TENM2: variants seen among roughly 807,000 people sequenced by gnomAD.
The protein encoded by TENM2 is teneurin-2.
Under a neutral mutation model 245.2 loss-of-function variants are expected in TENM2, and 52 were observed. That is an observed-to-expected ratio of 0.21 (90% CI 0.17 to 0.27). The LOEUF (loss-of-function observed/expected upper bound fraction) is 0.27. Ranked by LOEUF, TENM2 falls within the 10% of genes least tolerant of loss-of-function variation. The pLI is 1.00. For missense variants in TENM2, 3,046 were observed against 3,666.8 expected (o/e 0.83, Z 4.37); for synonymous variants, 1,363 against 1,438.9 (o/e 0.95, Z 1.19).
the TENM2 span, among the ~76,000 whole-genome samples, chr5:167,231,678 AG>A: frequency 6.6e-6 from 1 of 152,254 alleles, no homozygotes; most frequent in Non-Finnish European, 1.5e-5. Context: ...AGAGCATAAA[AG>A]TTCAACAAAT....
intron 2 of TENM2, among the ~76,000 whole-genome samples, chr5:167,808,181 C>T (rs1766368091): frequency 6.6e-6 from 1 of 152,152 alleles, no homozygotes; most frequent in East Asian, 1.9e-4. Context: ...CTCGAGGAAG[C>T]AACTTAATCA....
At chr5:167,013,218 C>T in the TENM2 span, among the ~76,000 whole-genome samples, 1 of 152,244 alleles carries the variant, frequency 6.6e-6, no homozygotes, top group Admixed American at 6.5e-5. Flanking sequence ...TTATTCCACC[C>T]TCTTATCCAT....
At chr5:167,452,933 A>ATT (rs1561968015) in intron 2 of TENM2, among the ~76,000 whole-genome samples, 1 of 2,186 alleles carries the variant, frequency 4.6e-4, no homozygotes, top group Non-Finnish European at 4.3e-3. Flanking sequence ...AGTATGATTT[A>ATT]TATATATATA....
At chr5:167,491,130 G>A (rs1182051842) in intron 2 of TENM2, among the ~76,000 whole-genome samples, 1 of 152,138 alleles carries the variant, frequency 6.6e-6, no homozygotes, top group Admixed American at 6.5e-5. Context: ...TTGGTAGAAA[G>A]TATATCTCTG....
chr5:167,060,988 GTC>G, the TENM2 span, among the ~76,000 whole-genome samples: 1 of 152,006 alleles, frequency 6.6e-6, no homozygotes, highest in Non-Finnish European at 1.5e-5. Context: ...TTGAGGGAGT[GTC>G]TAGTGTTCTA....
the TENM2 span, among the ~76,000 whole-genome samples, chr5:167,075,997 A>G: frequency 2.0e-5 from 3 of 152,220 alleles, no homozygotes; most frequent in East Asian, 3.9e-4. Flanking sequence ...TTCCCAGACC[A>G]GCCCTGGCTC....
At chr5:167,573,071 CTT>C (rs67034616) in intron 2 of TENM2, among the ~76,000 whole-genome samples, 9 of 148,988 alleles carry the variant, frequency 6.0e-5, no homozygotes, top group African/African-American at 1.5e-4. Flanking sequence ...GGTGTGGGCT[CTT>C]TTTTTTTTTC....
the TENM2 span, among the ~76,000 whole-genome samples, chr5:167,022,268 T>C: frequency 6.6e-6 from 1 of 151,844 alleles, no homozygotes; most frequent in East Asian, 1.9e-4. Context: ...CAATGAAGAG[T>C]CAATTGGAGC....
chr5:167,382,280 G>T (rs1761134626), intron 2 of TENM2, among the ~76,000 whole-genome samples: 1 of 152,150 alleles, frequency 6.6e-6, no homozygotes, highest in African/African-American at 2.4e-5. Context: ...CCAGCAAATG[G>T]TTTATGGGGT....
chr5:167,799,952 T>C (rs763016438), intron 2 of TENM2, among the ~76,000 whole-genome samples: 16 of 152,202 alleles, frequency 1.1e-4, no homozygotes, highest in Admixed American at 3.9e-4. Context: ...GCCCTAGGCA[T>C]GTGTGTTTTG....
chr5:167,103,507 C>A, the TENM2 span, among the ~76,000 whole-genome samples: 1 of 152,138 alleles, frequency 6.6e-6, no homozygotes. Flanking sequence ...CCTTCTTAAC[C>A]CTTTGGGTGC....
At chr5:167,032,073 C>T in the TENM2 span, among the ~76,000 whole-genome samples, 1 of 152,006 alleles carries the variant, frequency 6.6e-6, no homozygotes, top group Non-Finnish European at 1.5e-5. Flanking sequence ...CGGAATTCCA[C>T]AGAGAACCCA....
At position 167,707,912 on chromosome 5, in the gene TENM2, C is replaced by T. The variant is rs545861578; in HGVS notation, c.503-168074C>T. Among the ~76,000 whole-genome samples, 301 of 152,244 alleles carry T rather than the reference C, an allele frequency of 2.0e-3. 2 individuals carry two copies. The highest frequency in any genetic ancestry group is 6.9e-3 in the African/African-American group (288 of 41,520). On this transcript the variant is annotated intron_variant, in intron 2 of 28. Coordinates refer to ENST00000518659, the Ensembl canonical transcript of TENM2. ...AGAAGAATGGTGGCCAGAGGCATGT[C>T]AAAGTCAGAATATTAGGTATGGTTT...
At chr5:167,553,969 A>T (rs1773110008) in intron 2 of TENM2, among the ~76,000 whole-genome samples, 1 of 152,176 alleles carries the variant, frequency 6.6e-6, no homozygotes, top group African/African-American at 2.4e-5. Flanking sequence ...GTCAGCATGG[A>T]AGGGTCCTCT....
the TENM2 span, among the ~76,000 whole-genome samples, chr5:167,192,706 T>C: frequency 6.6e-6 from 1 of 152,050 alleles, no homozygotes; most frequent in East Asian, 1.9e-4. Flanking sequence ...CCAATTCTCC[T>C]CTGTTGATTT....
intron 2 of TENM2, 133 bp downstream of exon 4, chr5:167,375,606 T>C: frequency 2.1e-6 from 2 of 936,636 alleles, no homozygotes; most frequent in Non-Finnish European, 3.2e-6. Context: ...GTCTACCCAG[T>C]GTGAGCTGGG....
intron 2 of TENM2, among the ~76,000 whole-genome samples, chr5:167,823,613 G>A (rs1370993595): frequency 6.6e-6 from 1 of 152,166 alleles, no homozygotes; most frequent in African/African-American, 2.4e-5. Context: ...TGAATGTGCT[G>A]CTTCCTTGGG....
At chr5:167,837,557 A>T (rs186470407) in intron 2 of TENM2, among the ~76,000 whole-genome samples, 55 of 152,328 alleles carry the variant, frequency 3.6e-4, no homozygotes, top group Middle Eastern at 6.8e-3. Context: ...AAAGATGCTG[A>T]CAAACATTTT....
intron 2 of TENM2, among the ~76,000 whole-genome samples, chr5:167,454,460 G>T (rs980903331): frequency 3.3e-5 from 5 of 151,668 alleles, no homozygotes; most frequent in African/African-American, 4.8e-5. Context: ...AACTGTGTGT[G>T]TGTGTGTGTG....
Sources: gnomAD v4.1 joint callset for allele counts (sites outside exome capture counted in the v4.1 genomes callset) on GRCh38, gnomAD v4.1.1 for gene constraint, MANE v1.5 for transcripts, NCBI Gene and HGNC (gene_info 2026-07-23, HGNC 2026-07-21) for gene names.